HEMK2: variants seen among roughly 807,000 people sequenced by gnomAD.
HEMK2 encodes the protein methyltransferase HEMK2.
chr21:28,850,189 A>G, the HEMK2 span, among the ~76,000 whole-genome samples: 1 of 151,012 alleles, frequency 6.6e-6, no homozygotes, highest in African/African-American at 2.4e-5. Flanking sequence ...CACAAGCCAG[A>G]AGAGACAGAA....
At chr21:28,612,672 C>T in the HEMK2 span, among the ~76,000 whole-genome samples, 2 of 151,998 alleles carry the variant, frequency 1.3e-5, no homozygotes, top group Non-Finnish European at 2.9e-5. Context: ...GACTGTTTAC[C>T]TACAAACCCC....
chr21:28,725,176 G>A, the HEMK2 span, among the ~76,000 whole-genome samples: 1 of 152,148 alleles, frequency 6.6e-6, no homozygotes, highest in African/African-American at 2.4e-5. Context: ...AATCAATGTT[G>A]TTGGGTGTCC....
At chr21:28,608,504 T>G in the HEMK2 span, among the ~76,000 whole-genome samples, 1 of 148,526 alleles carries the variant, frequency 6.7e-6, no homozygotes, top group Non-Finnish European at 1.5e-5. Flanking sequence ...CTTCATGAAC[T>G]TTTGCTCCAA....
the HEMK2 span, among the ~76,000 whole-genome samples, chr21:28,661,680 C>T: frequency 2.6e-5 from 4 of 152,076 alleles, no homozygotes. Context: ...CTTAAGAACT[C>T]TTCATTCCTC....
At chr21:28,842,122 T>C in the HEMK2 span, among the ~76,000 whole-genome samples, 1 of 152,186 alleles carries the variant, frequency 6.6e-6, no homozygotes, top group African/African-American at 2.4e-5. Context: ...GATAGATGCC[T>C]GACACACTAT....
the HEMK2 span, among the ~76,000 whole-genome samples, chr21:28,850,217 C>CT: frequency 0.027 from 2,586 of 94,422 alleles, 105 homozygotes; most frequent in African/African-American, 0.037. Flanking sequence ...ATTCAGCATT[C>CT]TTTTTTTTTT....
At chr21:28,653,018 A>C in the HEMK2 span, among the ~76,000 whole-genome samples, 6 of 152,032 alleles carry the variant, frequency 3.9e-5, no homozygotes, top group Non-Finnish European at 7.4e-5. Flanking sequence ...ATTTGCATTA[A>C]CCCTCCCCTT....
chr21:28,834,838 G>A, the HEMK2 span, among the ~76,000 whole-genome samples: 8 of 152,138 alleles, frequency 5.3e-5, no homozygotes, highest in South Asian at 2.1e-4. Context: ...CCTTCAGTTC[G>A]CACGGGAGCT....
chr21:28,741,826 A>G, the HEMK2 span, among the ~76,000 whole-genome samples: 2 of 152,156 alleles, frequency 1.3e-5, no homozygotes, highest in African/African-American at 2.4e-5. Flanking sequence ...GGTTGACTCC[A>G]TGTCTTTGCT....
chr21:28,796,185 A>G, the HEMK2 span, among the ~76,000 whole-genome samples: 4 of 152,182 alleles, frequency 2.6e-5, no homozygotes, highest in Non-Finnish European at 5.9e-5. Flanking sequence ...CCCAGGATGG[A>G]GTGCAGTGGC....
the HEMK2 span, among the ~76,000 whole-genome samples, chr21:28,624,064 G>A: frequency 2.0e-5 from 3 of 152,158 alleles, no homozygotes; most frequent in Non-Finnish European, 4.4e-5. Context: ...CTAGAAGGCT[G>A]TAAAACTGAG....
At chr21:28,755,274 T>C in the HEMK2 span, among the ~76,000 whole-genome samples, 1 of 152,202 alleles carries the variant, frequency 6.6e-6, no homozygotes, top group African/African-American at 2.4e-5. Flanking sequence ...ACAAGAGTGA[T>C]AAATTAGGCC....
the HEMK2 span, among the ~76,000 whole-genome samples, chr21:28,834,967 T>A: frequency 2.0e-5 from 3 of 151,722 alleles, no homozygotes; most frequent in African/African-American, 7.3e-5. Flanking sequence ...CTCACCCCCA[T>A]CCCCCACAGT....
the HEMK2 span, among the ~76,000 whole-genome samples, chr21:28,750,668 T>TCC: frequency 6.1e-5 from 7 of 114,726 alleles, no homozygotes; most frequent in Non-Finnish European, 8.3e-5. Context: ...ACCGTTGCAC[T>TCC]CCCTCCTGGG....
chr21:28,834,341 T>C, the HEMK2 span, among the ~76,000 whole-genome samples: 1 of 152,106 alleles, frequency 6.6e-6, no homozygotes, highest in Non-Finnish European at 1.5e-5. Flanking sequence ...TGCCCCAACC[T>C]TGGAAGCAGA....
chr21:28,713,220 G>T, the HEMK2 span, among the ~76,000 whole-genome samples: 2 of 152,002 alleles, frequency 1.3e-5, no homozygotes, highest in Non-Finnish European at 2.9e-5. Flanking sequence ...ATATCTCCCA[G>T]ATTCCTCCAC....
chr21:28,770,712 T>C, the HEMK2 span, among the ~76,000 whole-genome samples: 2 of 152,150 alleles, frequency 1.3e-5, no homozygotes, highest in South Asian at 4.1e-4. Context: ...CCTTCCACCA[T>C]GAGATCACAC....
the HEMK2 span, among the ~76,000 whole-genome samples, chr21:28,848,550 A>G: frequency 1.3e-5 from 2 of 152,182 alleles, no homozygotes; most frequent in Non-Finnish European, 2.9e-5. Context: ...AAATAGTTTT[A>G]GCATTTTAAA....
At chr21:28,766,988 C>T in the HEMK2 span, among the ~76,000 whole-genome samples, 3 of 152,006 alleles carry the variant, frequency 2.0e-5, no homozygotes, top group African/African-American at 7.2e-5. Flanking sequence ...TGTGACCCCA[C>T]CCAAATCTCA....
Sources: gnomAD v4.1 joint callset for allele counts (sites outside exome capture counted in the v4.1 genomes callset) on GRCh38, gnomAD v4.1.1 for gene constraint, MANE v1.5 for transcripts, NCBI Gene and HGNC (gene_info 2026-07-23, HGNC 2026-07-21) for gene names.